Variants in PIAS4 observed in about 807,000 individuals in gnomAD.
PIAS4 encodes the protein E3 SUMO-protein ligase PIAS4.
In PIAS4, 7 loss-of-function variants were observed where a neutral mutation model predicts 58.0. That is an observed-to-expected ratio of 0.12 (90% CI 0.07 to 0.23). PIAS4 has a LOEUF of 0.23. Among genes scored for constraint, PIAS4 ranks in the 10% least tolerant of loss-of-function variants. The pLI, the probability that PIAS4 is intolerant of heterozygous loss-of-function variation, is 1.00. For missense variants in PIAS4, 550 were observed against 709.5 expected, an observed-to-expected ratio of 0.78 and a Z score of 2.55; for synonymous variants, 364 against 312.4, an observed-to-expected ratio of 1.17 and a Z score of -1.74.
chr19:4,025,618 G>A (rs895339), intron 3 of PIAS4, among the ~76,000 whole-genome samples: 132,515 of 152,142 alleles, frequency 0.87, 58,407 homozygotes, highest in East Asian at 0.96. Context: ...AGATCCAGCC[G>A]AGCCAGGCTT....
At chr19:4,024,893 G>T (rs2121138) in intron 3 of PIAS4, among the ~76,000 whole-genome samples, 118,332 of 152,000 alleles carry the variant, frequency 0.78, 50,286 homozygotes, top group East Asian at 0.96. Context: ...AGCCTCCCAA[G>T]TAGCTGGGAT....
intron 9 of PIAS4, 54 bp downstream of exon 9, chr19:4,033,634 CGGT>C (rs2040246604): frequency 1.4e-6 from 2 of 1,454,568 alleles, no homozygotes; most frequent in African/African-American, 2.8e-5. Context: ...GTGGAGGTCT[CGGT>C]GGCACCCCGC....
In PIAS4 at chr19:4,028,645, C is replaced by T. The variant is rs201568414; in HGVS notation, c.672+45C>T. 86 of 1,606,438 alleles carry T rather than the reference C, an allele frequency of 5.4e-5. 1 individual carries two copies. Among genetic ancestry groups the T allele is most frequent in the East Asian group, 4.9e-4 (22 of 44,706 alleles). On this transcript the variant is annotated intron_variant, in intron 5 of 10. Transcript: ENST00000262971. The stretch of plus-strand genomic sequence containing the variant: ...GCGTCGGCTGCACGGGTTTGGGGGG[C>T]GTGGAGGGAGGGTGGGGGCCGTCGG...
intron 1 of PIAS4, among the ~76,000 whole-genome samples, chr19:4,010,412 C>T (rs1354464039): frequency 6.6e-6 from 1 of 152,240 alleles, no homozygotes; most frequent in Non-Finnish European, 1.5e-5. Context: ...GTGAAGTGTC[C>T]ACATGACATC....
Position 4,036,503 on chromosome 19 carries a change from AACAC to A in PIAS4, c.1143-863_1143-860del, listed in dbSNP as rs1183067879. ...TCCATACAGTCCACACCGTCATACAAACACACACACATCTATACAGTCCACACCT... is the reference window on the plus strand; with the variant it reads ...TCCATACAGTCCACACCGTCATACAAACACACATCTATACAGTCCACACCT... On this transcript the variant is annotated intron_variant, in intron 9 of 10. Coordinates refer to ENST00000262971, the MANE Select transcript of PIAS4 (RefSeq NM_015897.4). Among the ~76,000 whole-genome samples the A allele has an allele frequency of 6.7e-4, 52 of 78,178 alleles. 1 individual carries two copies. Among genetic ancestry groups the A allele is most frequent in the Middle Eastern group, 0.03 (2 of 66 alleles). The allele number at this position is 78,178 out of a possible 152,430, so 51.3% of individuals were successfully genotyped here.
In PIAS4 at chr19:4,036,273, A is replaced by G; in HGVS notation, c.1143-1101A>G. Reference sequence around the variant, plus strand: ...CACCATCACATGCACACACATCTATATGGTCTACACCGTCACACACACACA... The same window carrying G: ...CACCATCACATGCACACACATCTATGTGGTCTACACCGTCACACACACACA... On this transcript the variant is annotated intron_variant, in intron 9 of 10. Transcript: ENST00000262971. Among the ~76,000 whole-genome samples, 2 of 86,360 alleles carry G rather than the reference A, an allele frequency of 2.3e-5. 1 individual carries two copies. Among genetic ancestry groups the G allele is most frequent in the Non-Finnish European group, 5.5e-5 (2 of 36,358 alleles). 56.7% of individuals were successfully genotyped at this position (86,360 alleles called of 152,430 possible).
intron 2 of PIAS4, among the ~76,000 whole-genome samples, chr19:4,019,302 G>A (rs1465941610): frequency 6.6e-6 from 1 of 152,190 alleles, no homozygotes; most frequent in Non-Finnish European, 1.5e-5. Context: ...AGCAGTGAGA[G>A]CACAGGGCAC....
In PIAS4 at chr19:4,024,014, C is replaced by T. The variant is rs376523981; in HGVS notation, c.455-22C>T. 12 of 1,576,114 alleles carry T rather than the reference C, an allele frequency of 7.6e-6. No individual in the cohort carries two copies. In the African/African-American group the frequency reaches 1.6e-4, roughly 21 times the overall value. On this transcript the variant is annotated intron_variant, in intron 2 of 10. Transcript: ENST00000262971. Reference sequence around the variant, plus strand: ...GACCTGCCAGGGACCAGACATGCCCCTGACCCCGTGTTTGTCTTCAGTCCC... The same window carrying T: ...GACCTGCCAGGGACCAGACATGCCCTTGACCCCGTGTTTGTCTTCAGTCCC...
chr19:4,007,914 G>GC lies in PIAS4; in HGVS notation c.27+132dup, dbSNP rs2039958498. 6 of 646,592 alleles carry GC rather than the reference G, an allele frequency of 9.3e-6. No individual in the cohort carries two copies. In the Admixed American group the frequency reaches 2.9e-4, roughly 31 times the overall value. The allele number at this position is 646,592 out of a possible 1,614,324, so 40.1% of individuals were successfully genotyped here. A position where few individuals can be genotyped will look rare whatever the true frequency, so the allele number is the denominator to read the frequency against. On this transcript the variant is annotated intron_variant, in intron 1 of 10. Transcript: ENST00000262971. ...GGCCGGCCCGCGGCTCGCCGTCCCG[G>GC]CCCCCAGACCCCGACCCCCGGTCTC...
At position 4,037,252 on chromosome 19, in the gene PIAS4, TGAGGC is replaced by T. The variant is rs2040308035; in HGVS notation, c.1143-121_1143-117del. 7.9e-7 allele frequency: 1 copy of T among 1,271,452 alleles called. No individual in the cohort carries two copies. Among genetic ancestry groups the T allele is most frequent in the Admixed American group, 2.8e-5 (1 of 36,138 alleles). The allele number at this position is 1,271,452 out of a possible 1,614,324, so 78.8% of individuals were successfully genotyped here. ...CCCTGGACCCCTGCGGTCGGGGTGG[TGAGGC>T]TGCTCTTGCAGAGAGAAGTGGGGAG... is the stretch of plus-strand genomic sequence containing the variant. On this transcript the variant is annotated intron_variant, in intron 9 of 10. Transcript: ENST00000262971. This position sits in a 1 kb window ranked among gnomAD's most constrained non-coding sequence, Gnocchi z 5.8.
intron 1 of PIAS4, among the ~76,000 whole-genome samples, chr19:4,008,714 C>A (rs1038154656): frequency 2.6e-5 from 4 of 152,162 alleles, no homozygotes; most frequent in African/African-American, 9.7e-5. Flanking sequence ...ATACTGTCCT[C>A]AAACCTTGGC....
chr19:4,029,121 C>T (rs537303080), intron 7 of PIAS4, 85 bp downstream of exon 7: 18 of 964,772 alleles, frequency 1.9e-5, no homozygotes, highest in Middle Eastern at 2.8e-4. Flanking sequence ...GGGGGCCCTG[C>T]ACCCGGAGGA....
At chr19:4,015,613 G>GTTCGGT (rs2040044887) in intron 2 of PIAS4, among the ~76,000 whole-genome samples, 1 of 152,160 alleles carries the variant, frequency 6.6e-6, no homozygotes, top group Admixed American at 6.5e-5. Flanking sequence ...CGAAGCAGTG[G>GTTCGGT]TCCCCATGGT....
chr19:4,026,637 T>C (rs956451169), intron 3 of PIAS4, among the ~76,000 whole-genome samples: 2 of 152,088 alleles, frequency 1.3e-5, no homozygotes, highest in Non-Finnish European at 2.9e-5. Context: ...TAAATGGGTC[T>C]GTCCTGGACA....
chr19:4,028,246 G>GC (rs2040187408), intron 4 of PIAS4, 59 bp downstream of exon 4: 7 of 931,284 alleles, frequency 7.5e-6, no homozygotes, highest in East Asian at 1.0e-4. Context: ...GCCCCTCCCC[G>GC]CCCCCCAGTC....
chr19:4,028,657 G>T (rs1315416910), intron 5 of PIAS4, 57 bp downstream of exon 5: 19 of 1,605,108 alleles, frequency 1.2e-5, no homozygotes, highest in Admixed American at 1.7e-5. Context: ...TGGAGGGAGG[G>T]TGGGGGCCGT....
chr19:4,010,964 T>C (rs375791851), intron 1 of PIAS4, among the ~76,000 whole-genome samples: 5 of 152,212 alleles, frequency 3.3e-5, no homozygotes, highest in East Asian at 1.9e-4. Context: ...CCTGGCCCGA[T>C]ACAGCTGGAA....
At chr19:4,020,402 G>A (rs1050726211) in intron 2 of PIAS4, among the ~76,000 whole-genome samples, 5 of 152,136 alleles carry the variant, frequency 3.3e-5, no homozygotes, top group African/African-American at 1.2e-4. Context: ...CTTTACCAGG[G>A]GCAGTTCGCC....
At chr19:4,033,265 G>A (rs901000831) in intron 8 of PIAS4, 92 bp downstream of exon 8, 64 of 1,410,236 alleles carry the variant, frequency 4.5e-5, no homozygotes, top group African/African-American at 2.7e-4. Context: ...TGGCTGGGCC[G>A]TGAGCCTGCG....
Sources: gnomAD v4.1 joint callset for allele counts (sites outside exome capture counted in the v4.1 genomes callset) on GRCh38, gnomAD v4.1.1 for gene constraint, Gnocchi (gnomAD v3.1) non-coding constraint, MANE v1.5 for transcripts, NCBI Gene and HGNC (gene_info 2026-07-23, HGNC 2026-07-21) for gene names.